Variants in FRAS1 observed in about 807,000 individuals in gnomAD.
FRAS1 encodes the protein extracellular matrix organizing protein FRAS1.
Under a neutral mutation model 435.2 loss-of-function variants are expected in FRAS1, and 290 were observed. The ratio of observed to expected loss-of-function variants is 0.67; its 90% CI spans 0.61 to 0.73. The LOEUF (loss-of-function observed/expected upper bound fraction) is 0.73. Ranked by LOEUF, FRAS1 falls within the 30% of genes least tolerant of loss-of-function variation. FRAS1 has a pLI of 0.00. For synonymous variants in FRAS1, 1,800 were observed against 1,851.0 expected (o/e 0.97, Z 0.71); for missense variants, 4,860 against 5,001.5 (o/e 0.97, Z 0.85).
At chr4:78,300,164 T>C (rs1389701040) in intron 14 of FRAS1, among the ~76,000 whole-genome samples, 2 of 152,186 alleles carry the variant, frequency 1.3e-5, no homozygotes, top group African/African-American at 2.4e-5. Flanking sequence ...GCAGATTTCA[T>C]GCATGTTAAG....
At chr4:78,207,241 T>C (rs539168862) in intron 2 of FRAS1, among the ~76,000 whole-genome samples, 2 of 152,344 alleles carry the variant, frequency 1.3e-5, no homozygotes, top group South Asian at 2.1e-4. Flanking sequence ...TCTTTTGTTG[T>C]TTTCTTTTGG....
At chr4:78,088,256 A>G (rs1246523774) in intron 2 of FRAS1, among the ~76,000 whole-genome samples, 1 of 152,194 alleles carries the variant, frequency 6.6e-6, no homozygotes, top group Non-Finnish European at 1.5e-5. Flanking sequence ...TCCCTTCCTT[A>G]CACCTTATAC....
In FRAS1 at chr4:78,281,283, G is replaced by A. The variant is rs569620275; in HGVS notation, c.1072-115G>A. ...TAGATTTCATCTCTATTCATAACCA[G>A]TGAATAAAGTTGCATGTTCCTTGGG... On this transcript the variant is annotated intron_variant, in intron 10 of 73. Transcript: ENST00000512123. 5.6e-5 allele frequency: 37 copies of A among 657,214 alleles called. 1 individual carries two copies. The South Asian group carries it at 6.8e-4, about 12-fold the overall frequency. The allele number at this position is 657,214 out of a possible 1,614,324, so 40.7% of individuals were successfully genotyped here.
In FRAS1 at chr4:78,452,232, C is replaced by G; in HGVS notation, c.6641C>G (p.Ser2214Ter). 3 of 1,613,812 alleles carry G rather than the reference C, an allele frequency of 1.9e-6. No individual in the cohort carries two copies. Among genetic ancestry groups the G allele is most frequent in the Non-Finnish European group, 2.5e-6 (3 of 1,179,746 alleles). The change falls in exon 47 of 74, where the codon TCA (serine) becomes TGA (stop). Residue 2214 changes from serine (S) to a stop codon, truncating the protein, a stop_gained. Transcript: ENST00000512123. LOFTEE classifies it high-confidence loss of function. ...AAAGGACTGGTCTTGGATGAAAACT[C>G]AGTGAAGAAAATCACCACCCTGCAG... is the stretch of plus-strand genomic sequence containing the variant. Reference protein sequence around the residue: ...TNKGLVLDENSVKKITTLQLS... With the variant: ...TNKGLVLDEN
At chr4:78,252,072 A>T (rs1209471707) in intron 4 of FRAS1, among the ~76,000 whole-genome samples, 1 of 152,166 alleles carries the variant, frequency 6.6e-6, no homozygotes, top group Non-Finnish European at 1.5e-5. Flanking sequence ...GTGTATTTGA[A>T]TTGGGGCTTT....
intron 10 of FRAS1, among the ~76,000 whole-genome samples, chr4:78,279,594 GT>G (rs1232136736): frequency 6.6e-6 from 1 of 152,120 alleles, no homozygotes; most frequent in African/African-American, 2.4e-5. Context: ...ACTGGATTTT[GT>G]TTGATTAGAT....
At chr4:78,369,151 G>A (rs1324082501) in intron 22 of FRAS1, among the ~76,000 whole-genome samples, 1 of 152,222 alleles carries the variant, frequency 6.6e-6, no homozygotes, top group Non-Finnish European at 1.5e-5. Flanking sequence ...ATATCGGAGA[G>A]TTTGAATAAA....
intron 2 of FRAS1, among the ~76,000 whole-genome samples, chr4:78,197,863 C>CT (rs1483068870): frequency 2.0e-5 from 3 of 151,760 alleles, no homozygotes; most frequent in Non-Finnish European, 4.4e-5. Context: ...ATGGCGTGAA[C>CT]CCAGGAGGTG....
rs1444679824 is a variant in FRAS1 at position 78,418,936 on chromosome 4, A to G, written c.4426-13A>G. On this transcript the variant is annotated splice_polypyrimidine_tract_variant and intron_variant, in intron 32 of 73. Coordinates refer to ENST00000512123, the MANE Select transcript of FRAS1 (RefSeq NM_025074.7). Reference sequence around the variant, plus strand: ...ATACCATGTGTTCCTCTTCCTTCTTAAACTTTGTTTAGGCTAGAGAAGATG... The same window carrying G: ...ATACCATGTGTTCCTCTTCCTTCTTGAACTTTGTTTAGGCTAGAGAAGATG... 2.0e-6 allele frequency: 3 copies of G among 1,516,124 alleles called. No homozygotes were observed. Among genetic ancestry groups the G allele is most frequent in the Admixed American group, 1.8e-5 (1 of 56,212 alleles). 93.9% of individuals were successfully genotyped at this position (1,516,124 alleles called of 1,614,324 possible).
chr4:78,066,947 T>A (rs1560505168), intron 2 of FRAS1, among the ~76,000 whole-genome samples: 1 of 152,216 alleles, frequency 6.6e-6, no homozygotes, highest in Non-Finnish European at 1.5e-5. Context: ...GTTTATTTTT[T>A]AAATATTTTT....
intron 16 of FRAS1, 42 bp downstream of exon 16, chr4:78,315,776 G>A (rs1368055898): frequency 2.5e-6 from 4 of 1,607,880 alleles, no homozygotes; most frequent in Non-Finnish European, 3.4e-6. Context: ...AAAGTATTGA[G>A]TACATGTTTG....
At chr4:78,111,660 C>A (rs1328544167) in intron 2 of FRAS1, among the ~76,000 whole-genome samples, 1 of 113,828 alleles carries the variant, frequency 8.8e-6, no homozygotes, top group Non-Finnish European at 1.8e-5. Context: ...CTAGATGACA[C>A]ATTAGTGGGT....
At chr4:78,318,666 CTG>C (rs996509853) in intron 17 of FRAS1, 142 bp from the exon 18 acceptor site, 35 of 750,214 alleles carry the variant, frequency 4.7e-5, no homozygotes, top group Non-Finnish European at 6.8e-5. Flanking sequence ...TATTATCACT[CTG>C]TGCTTTGTAT....
chr4:78,207,185 A>G (rs1723297104), intron 2 of FRAS1, among the ~76,000 whole-genome samples: 1 of 152,230 alleles, frequency 6.6e-6, no homozygotes, highest in Non-Finnish European at 1.5e-5. Flanking sequence ...AAGTCTGGAA[A>G]TGAAATGGAA....
intron 2 of FRAS1, among the ~76,000 whole-genome samples, 183 bp from the exon 3 acceptor site, chr4:78,237,327 G>T (rs1396019651): frequency 6.6e-6 from 1 of 152,140 alleles, no homozygotes; most frequent in Non-Finnish European, 1.5e-5. Context: ...TTGTGAAATG[G>T]ATTATACTGA....
chr4:78,328,719 T>A (rs1339223533), intron 18 of FRAS1, among the ~76,000 whole-genome samples: 1 of 152,204 alleles, frequency 6.6e-6, no homozygotes, highest in Non-Finnish European at 1.5e-5. Context: ...TTGGGAAGAT[T>A]GTGTTAACTC....
intron 2 of FRAS1, among the ~76,000 whole-genome samples, chr4:78,157,541 G>A (rs766900344): frequency 3.2e-4 from 48 of 152,110 alleles, no homozygotes; most frequent in Non-Finnish European, 4.7e-4. Context: ...ATCTCATTTG[G>A]TTTTGGTTTA....
At chr4:78,273,678 T>G (rs1357319438) in intron 9 of FRAS1, among the ~76,000 whole-genome samples, 2 of 152,222 alleles carry the variant, frequency 1.3e-5, no homozygotes, top group Non-Finnish European at 2.9e-5. Flanking sequence ...TTGATCATGG[T>G]GGATAAGCTT....
At chr4:78,345,758 T>A (rs1417762214) in intron 20 of FRAS1, among the ~76,000 whole-genome samples, 1 of 152,122 alleles carries the variant, frequency 6.6e-6, no homozygotes, top group South Asian at 2.1e-4. Flanking sequence ...GATCAATCTC[T>A]CTGCAAAGGG....
Sources: allele counts gnomAD v4.1 joint callset (sites outside exome capture counted in the v4.1 genomes callset), GRCh38; gene constraint gnomAD v4.1.1; transcripts MANE v1.5; gene names NCBI Gene and HGNC (gene_info 2026-07-23, HGNC 2026-07-21).